Variants in RAB6A observed in about 807,000 individuals in gnomAD.
The protein encoded by RAB6A is RAB6A, member RAS oncogene family, also known as ras-related protein Rab-6A.
RAB6A carries 8 observed loss-of-function variants against 32.3 expected under a neutral mutation model. The ratio of observed to expected loss-of-function variants is 0.25; its 90% CI spans 0.15 to 0.45. The LOEUF is 0.45. Ranked by LOEUF, RAB6A falls within the 20% of genes least tolerant of loss-of-function variation. The pLI is 1.00. For synonymous variants in RAB6A, 73 were observed against 82.1 expected (o/e 0.89, Z 0.60); for missense variants, 104 against 249.4 (o/e 0.42, Z 3.93).
At chr11:73,707,560 A>AT in intron 5 of RAB6A, 47 bp from the exon 6 acceptor site, 1 of 1,285,076 alleles carries the variant, frequency 7.8e-7, no homozygotes, top group Non-Finnish European at 1.1e-6. Flanking sequence ...ATGAGGCAGT[A>AT]TTATAAAGAT....
chr11:73,736,189 G>A (rs892161908), intron 1 of RAB6A, among the ~76,000 whole-genome samples: 1 of 152,092 alleles, frequency 6.6e-6, no homozygotes, highest in African/African-American at 2.4e-5. Flanking sequence ...AGCACTTTGA[G>A]AGGCCAAGGC....
intron 6 of RAB6A, among the ~76,000 whole-genome samples, chr11:73,698,839 T>C (rs556705188): frequency 6.9e-6 from 1 of 145,236 alleles, no homozygotes; most frequent in Non-Finnish European, 1.5e-5. Context: ...GCTCAGATAC[T>C]TTTTTTGCGA....
At chr11:73,703,251 C>G (rs1174227870) in intron 6 of RAB6A, among the ~76,000 whole-genome samples, 1 of 152,128 alleles carries the variant, frequency 6.6e-6, no homozygotes, top group Admixed American at 6.6e-5. Context: ...TCCAAGTAAC[C>G]TGGCTTCTCT....
At chr11:73,755,638 A>C (rs1005225262) in intron 1 of RAB6A, among the ~76,000 whole-genome samples, 6 of 152,014 alleles carry the variant, frequency 3.9e-5, no homozygotes, top group African/African-American at 1.4e-4. Flanking sequence ...GCACAGTGGC[A>C]TGTGCCTATA....
intron 1 of RAB6A, among the ~76,000 whole-genome samples, chr11:73,748,015 T>C (rs1162949661): frequency 1.3e-5 from 2 of 152,236 alleles, no homozygotes; most frequent in African/African-American, 2.4e-5. Context: ...ATAATAACTA[T>C]TGGGGAAGAT....
chr11:73,731,685 TA>T (rs1201104459), intron 1 of RAB6A, among the ~76,000 whole-genome samples: 21 of 109,452 alleles, frequency 1.9e-4, no homozygotes, highest in African/African-American at 8.2e-4. Context: ...AGATAGATAT[TA>T]TATATATATA....
At chr11:73,740,783 G>T (rs1003034482) in intron 1 of RAB6A, among the ~76,000 whole-genome samples, 3 of 151,948 alleles carry the variant, frequency 2.0e-5, no homozygotes, top group African/African-American at 7.3e-5. Context: ...GCTACTCGGG[G>T]GGGCTGAGGC....
chr11:73,720,470 C>G (rs1472791245), intron 3 of RAB6A, among the ~76,000 whole-genome samples: 1 of 152,128 alleles, frequency 6.6e-6, no homozygotes, highest in Non-Finnish European at 1.5e-5. Flanking sequence ...GTGTGAGCCA[C>G]CGCACCCTGC....
intron 6 of RAB6A, among the ~76,000 whole-genome samples, chr11:73,684,700 A>C (rs1455425601): frequency 6.6e-6 from 1 of 152,232 alleles, no homozygotes; most frequent in Non-Finnish European, 1.5e-5. Flanking sequence ...TATATTCAGC[A>C]CATTTCTCTT....
At position 73,739,106 on chromosome 11, in the gene RAB6A, A is replaced by G. The variant is rs536030685; in HGVS notation, c.71-8283T>C. 2.7e-5 allele frequency among the ~76,000 whole-genome samples: 4 copies of G among 150,100 alleles called. No individual in the cohort carries two copies. In the Admixed American group the frequency reaches 2.7e-4, roughly 10 times the overall value. Reference sequence around the variant, plus strand: ...AACGTGGTGAAATCCTATCTCTACTAAAAATACAAAAATTAGGCAGGTCTA... The same window carrying G: ...AACGTGGTGAAATCCTATCTCTACTGAAAATACAAAAATTAGGCAGGTCTA... On this transcript the variant is annotated intron_variant, in intron 1 of 7. Transcript: ENST00000336083.
Position 73,718,704 on chromosome 11 carries a change from T to C in RAB6A, c.198A>G (p.Leu66=), listed in dbSNP as rs1332264570. Residue 66 remains leucine, a synonymous_variant, in exon 4 of 8, where the codon TTA becomes TTG. Coordinates refer to ENST00000336083, the MANE Select transcript of RAB6A (RefSeq NM_198896.2). ...ACCGCTCTTGACCTGCTGTGTCCCA[T>C]AATTGCAATCGTACCTAACAACAAA... is the stretch of plus-strand genomic sequence containing the variant. ...YLEDRTVRLQ[L]WDTAGQERFR... 1 of 1,614,098 alleles carries C rather than the reference T, an allele frequency of 6.2e-7. No homozygotes were observed. Among genetic ancestry groups the C allele is most frequent in the Non-Finnish European group, 8.5e-7 (1 of 1,180,014 alleles).
At chr11:73,751,937 T>TA (rs907332111) in intron 1 of RAB6A, among the ~76,000 whole-genome samples, 2 of 151,836 alleles carry the variant, frequency 1.3e-5, no homozygotes, top group Non-Finnish European at 1.5e-5. Flanking sequence ...CACAAGAGCA[T>TA]AAAAAACAAA....
chr11:73,737,431 TATG>T (rs1208452729), intron 1 of RAB6A, among the ~76,000 whole-genome samples: 1 of 151,144 alleles, frequency 6.6e-6, no homozygotes. Flanking sequence ...TGCAGTGAGC[TATG>T]ATCACACCAC....
Position 73,677,829 on chromosome 11 carries a change from G to T in RAB6A, c.*69C>A. The T allele has an allele frequency of 6.2e-7, 1 of 1,608,248 alleles. No individual in the cohort carries two copies. Among genetic ancestry groups the T allele is most frequent in the East Asian group, 2.2e-5 (1 of 44,844 alleles). On this transcript the variant is annotated 3_prime_UTR_variant, in exon 8 of 8. Coordinates refer to ENST00000336083, the MANE Select transcript of RAB6A (RefSeq NM_198896.2). ...AAAGGTTCAAGCCAATATTCACACTGCAGTCAATGAAAGAGTAAGGGGGCC... is the reference window on the plus strand; with the variant it reads ...AAAGGTTCAAGCCAATATTCACACTTCAGTCAATGAAAGAGTAAGGGGGCC...
Position 73,725,765 on chromosome 11 carries a change from T to C in RAB6A, c.130-4866A>G, listed in dbSNP as rs375279941. On this transcript the variant is annotated intron_variant, in intron 2 of 7. Coordinates refer to ENST00000336083, the MANE Select transcript of RAB6A (RefSeq NM_198896.2). The stretch of plus-strand genomic sequence containing the variant: ...TTTGGGTGGGGACATAGCCAAACCA[T>C]ATCAAGAGGCTAGAAAGTTAAAGAA... 5.1e-4 allele frequency among the ~76,000 whole-genome samples: 77 copies of C among 152,054 alleles called. No homozygotes were observed. In the South Asian group the frequency reaches 0.016, roughly 31 times the overall value.
intron 1 of RAB6A, among the ~76,000 whole-genome samples, chr11:73,732,573 G>A (rs113952227): frequency 8.5e-5 from 13 of 152,238 alleles, no homozygotes; most frequent in African/African-American, 1.7e-4. Flanking sequence ...GTGACAGAGC[G>A]AGACTCTGTC....
At chr11:73,690,542 C>G (rs540973616) in intron 6 of RAB6A, among the ~76,000 whole-genome samples, 3 of 136,684 alleles carry the variant, frequency 2.2e-5, no homozygotes, top group South Asian at 5.1e-4. Flanking sequence ...TGTGCCAAGG[C>G]ACCCAGCTAA....
chr11:73,695,690 T>C (rs534570926), intron 6 of RAB6A, among the ~76,000 whole-genome samples: 38 of 152,330 alleles, frequency 2.5e-4, no homozygotes, highest in Non-Finnish European at 3.7e-4. Flanking sequence ...GAGAATCCAC[T>C]TTCTAGAAGA....
chr11:73,710,364 T>C (rs952329323), intron 5 of RAB6A, among the ~76,000 whole-genome samples: 1 of 151,984 alleles, frequency 6.6e-6, no homozygotes, highest in East Asian at 1.9e-4. Context: ...AAGCAAAGTA[T>C]TCATTTATTT....
Sources: allele counts gnomAD v4.1 joint callset (sites outside exome capture counted in the v4.1 genomes callset), GRCh38; gene constraint gnomAD v4.1.1; transcripts MANE v1.5; gene names NCBI Gene and HGNC (gene_info 2026-07-23, HGNC 2026-07-21).